The following CTDP1 variants were observed in gnomAD, a reference collection of about 807,000 sequenced individuals.
CTDP1 encodes the protein CTD phosphatase 1.
Under a neutral mutation model 91.8 loss-of-function variants are expected in CTDP1, and 47 were observed. The ratio of observed to expected loss-of-function variants is 0.51; its 90% CI spans 0.41 to 0.65. CTDP1 has a LOEUF of 0.65. Among genes scored for constraint, CTDP1 ranks in the 30% least tolerant of loss-of-function variants. The pLI, the probability that CTDP1 is intolerant of heterozygous loss-of-function variation, is 0.00. For missense variants in CTDP1, 1,272 were observed against 1,373.7 expected (o/e 0.93, Z 1.17); for synonymous variants, 656 against 598.5 (o/e 1.10, Z -1.40).
intron 11 of CTDP1, 146 bp from the exon 12 acceptor site, chr18:79,736,209 G>GC (rs1291514534): frequency 9.6e-7 from 1 of 1,040,924 alleles, no homozygotes; most frequent in Admixed American, 2.1e-5. Context: ...TGAGTTTCAA[G>GC]CCCCAGGGCT....
intron 1 of CTDP1, chr18:79,683,221 C>T (rs994986389): frequency 1.6e-4 from 25 of 152,216 alleles, no homozygotes; most frequent in African/African-American, 5.8e-4. Flanking sequence ...ATCTTGACCA[C>T]CTCTAAAAGT....
chr18:79,721,511 G>A (rs1376848821), intron 10 of CTDP1, among the ~76,000 whole-genome samples: 1 of 152,202 alleles, frequency 6.6e-6, no homozygotes, highest in African/African-American at 2.4e-5. Flanking sequence ...CTGAGATTTG[G>A]TTTCGAAATT....
At chr18:79,697,823 A>G in intron 3 of CTDP1, 37 bp from the exon 4 acceptor site, 4 of 1,614,000 alleles carry the variant, frequency 2.5e-6, no homozygotes, top group Middle Eastern at 1.7e-4. Context: ...ATGCAAACAT[A>G]CTGACTTTGT....
chr18:79,724,108 G>C (rs2086398967), intron 10 of CTDP1, among the ~76,000 whole-genome samples: 1 of 152,272 alleles, frequency 6.6e-6, no homozygotes. Context: ...ATCTTTCTGA[G>C]CACGAAGATT....
intron 5 of CTDP1, among the ~76,000 whole-genome samples, chr18:79,706,880 G>A (rs796100610): frequency 6.6e-5 from 10 of 152,354 alleles, no homozygotes; most frequent in African/African-American, 2.4e-4. Context: ...GGCACAGCCC[G>A]GTGACCTGCA....
At chr18:79,722,206 G>A (rs575474508) in intron 10 of CTDP1, among the ~76,000 whole-genome samples, 5 of 152,208 alleles carry the variant, frequency 3.3e-5, no homozygotes, top group Non-Finnish European at 7.3e-5. Flanking sequence ...ATGGTAAGCT[G>A]GATTTGAATG....
intron 1 of CTDP1, among the ~76,000 whole-genome samples, chr18:79,687,904 G>A (rs1450781261): frequency 6.6e-6 from 1 of 152,228 alleles, no homozygotes; most frequent in East Asian, 1.9e-4. Context: ...GTGCCACGTG[G>A]TTTTGAGACG....
intron 6 of CTDP1, 97 bp downstream of exon 6, chr18:79,710,533 T>A: frequency 2.0e-6 from 2 of 998,654 alleles, no homozygotes; most frequent in Non-Finnish European, 1.6e-6. Context: ...CTTTTTTTCT[T>A]TTTTTTTGAG....
chr18:79,748,945 G>A (rs2086938413), intron 12 of CTDP1, among the ~76,000 whole-genome samples: 1 of 152,222 alleles, frequency 6.6e-6, no homozygotes, highest in South Asian at 2.1e-4. Flanking sequence ...GTTGGTGCAT[G>A]TGCACAGGGC....
chr18:79,727,905 A>G lies in CTDP1; in HGVS notation c.2418-1002A>G, dbSNP rs111682035. Among the ~76,000 whole-genome samples the G allele has an allele frequency of 5.5e-3, 842 of 152,286 alleles. 6 individuals are homozygous for G. The highest frequency in any genetic ancestry group is 0.019 in the African/African-American group (790 of 41,538). ...GCCTTAAATTCCAGCAGTCAGAGGC[A>G]TGCATCAGAATATATTAATAAGATT... On this transcript the variant is annotated intron_variant, in intron 10 of 12. Transcript: ENST00000613122.
At chr18:79,718,211 T>C (rs1258741369) in intron 10 of CTDP1, among the ~76,000 whole-genome samples, 195 bp downstream of exon 10, 1 of 152,138 alleles carries the variant, frequency 6.6e-6, no homozygotes. Flanking sequence ...TCTCCTGTCT[T>C]GGGTCCCAAA....
chr18:79,746,319 C>G lies in CTDP1; in HGVS notation c.2748-7333C>G, dbSNP rs56066229. Among the ~76,000 whole-genome samples the G allele has an allele frequency of 1.1e-4, 11 of 100,776 alleles. 1 individual carries two copies. The highest frequency in any genetic ancestry group is 2.7e-4 in the Admixed American group (3 of 11,094). The allele number at this position is 100,776 out of a possible 152,430, so 66.1% of individuals were successfully genotyped here. A position where few individuals can be genotyped will look rare whatever the true frequency, so the allele number is the denominator to read the frequency against. On this transcript the variant is annotated intron_variant, in intron 12 of 12. Coordinates refer to ENST00000613122, the MANE Select transcript of CTDP1 (RefSeq NM_004715.5). Reference sequence around the variant, plus strand: ...TCCCTGCGTCCCTCCCGTGCGCGTTCTGTCCCCGCGTCCCTCCCGTGCGCG... The same window carrying G: ...TCCCTGCGTCCCTCCCGTGCGCGTTGTGTCCCCGCGTCCCTCCCGTGCGCG...
intron 12 of CTDP1, among the ~76,000 whole-genome samples, chr18:79,745,057 T>C (rs72976190): frequency 6.6e-6 from 1 of 152,070 alleles, no homozygotes; most frequent in Non-Finnish European, 1.5e-5. Flanking sequence ...GAAAGACTTG[T>C]GGGTCCTGAG....
At chr18:79,678,096 T>C (rs2085275901), upstream of CTDP1, 1 of 152,242 alleles carries the variant, frequency 6.6e-6, no homozygotes, top group Non-Finnish European at 1.5e-5. Context: ...GAGCAAGTAA[T>C]GGCGAGGGCT....
chr18:79,705,285 G>A (rs2085944367), intron 5 of CTDP1, among the ~76,000 whole-genome samples: 1 of 152,188 alleles, frequency 6.6e-6, no homozygotes, highest in Non-Finnish European at 1.5e-5. Context: ...ACTGCACACA[G>A]CATGATTGTC....
At chr18:79,729,442 G>C (rs778535277) in intron 11 of CTDP1, among the ~76,000 whole-genome samples, 17 of 152,204 alleles carry the variant, frequency 1.1e-4, no homozygotes, top group Non-Finnish European at 2.1e-4. Context: ...TGACCCTGGG[G>C]CCGGTCAACA....
chr18:79,738,708 A>AC (rs2086716738), intron 12 of CTDP1, among the ~76,000 whole-genome samples: 2 of 152,256 alleles, frequency 1.3e-5, no homozygotes, highest in African/African-American at 4.8e-5. Context: ...ACAAGACAAG[A>AC]TAGTCATTGT....
At chr18:79,700,450 A>G (rs1300568619) in intron 4 of CTDP1, among the ~76,000 whole-genome samples, 7 of 151,414 alleles carry the variant, frequency 4.6e-5, no homozygotes, top group African/African-American at 1.7e-4. Flanking sequence ...TGGTCTGAGT[A>G]GAAGATCAAA....
chr18:79,708,513 C>T (rs62097723), intron 5 of CTDP1, among the ~76,000 whole-genome samples: 41,565 of 152,126 alleles, frequency 0.27, 6,953 homozygotes, highest in Non-Finnish European at 0.37. Context: ...CCAGGCGTTC[C>T]GGGGTGCATT....
Sources: gnomAD v4.1 joint callset for allele counts (sites outside exome capture counted in the v4.1 genomes callset) on GRCh38, gnomAD v4.1.1 for gene constraint, MANE v1.5 for transcripts, NCBI Gene and HGNC (gene_info 2026-07-23, HGNC 2026-07-21) for gene names.